Variants in IPCEF1 observed in about 807,000 individuals in gnomAD.
IPCEF1 encodes interactor protein for cytohesin exchange factors 1.
IPCEF1 carries 31 observed loss-of-function variants against 50.9 expected under a neutral mutation model. The observed-to-expected ratio is 0.61, with a 90% CI of 0.46 to 0.82. IPCEF1 has a LOEUF of 0.82. Ranked by LOEUF, IPCEF1 falls within the 40% of genes least tolerant of loss-of-function variation. The pLI is 0.00. For synonymous variants in IPCEF1, 181 were observed against 192.0 expected, an observed-to-expected ratio of 0.94 and a Z score of 0.47; for missense variants, 458 against 514.0, an observed-to-expected ratio of 0.89 and a Z score of 1.05.
At chr6:154,203,787 G>T (rs1777263872) in intron 9 of IPCEF1, among the ~76,000 whole-genome samples, 1 of 152,062 alleles carries the variant, frequency 6.6e-6, no homozygotes, top group African/African-American at 2.4e-5. Flanking sequence ...CACATAATTG[G>T]TGACAAATTA....
intron 2 of IPCEF1, among the ~76,000 whole-genome samples, chr6:154,275,096 A>G (rs1309060525): frequency 6.6e-6 from 1 of 152,178 alleles, no homozygotes; most frequent in Non-Finnish European, 1.5e-5. Flanking sequence ...AGTTTTACCA[A>G]TGCAGATAAA....
chr6:154,210,986 A>C (rs1777912687), intron 9 of IPCEF1, among the ~76,000 whole-genome samples: 1 of 152,246 alleles, frequency 6.6e-6, no homozygotes, highest in African/African-American at 2.4e-5. Context: ...AACTTGCAAA[A>C]CACAATAAAG....
intron 1 of IPCEF1, among the ~76,000 whole-genome samples, chr6:154,304,109 G>A (rs968300753): frequency 1.9e-4 from 28 of 151,238 alleles, no homozygotes; most frequent in African/African-American, 6.8e-4. Flanking sequence ...GGTAGTCCCA[G>A]CTACTTGGAA....
intron 1 of IPCEF1, among the ~76,000 whole-genome samples, chr6:154,334,098 G>A (rs530865453): frequency 2.6e-5 from 4 of 152,158 alleles, no homozygotes; most frequent in Non-Finnish European, 5.9e-5. Context: ...GCATTTATCA[G>A]CCCACAGTTA....
At chr6:154,222,899 G>T in intron 6 of IPCEF1, 2 of 473,856 alleles carry the variant, frequency 4.2e-6, no homozygotes, top group South Asian at 2.6e-5. Flanking sequence ...CCTGGAGGGG[G>T]TTTATTCCAT....
chr6:154,201,312 T>A (rs879480398), intron 9 of IPCEF1, among the ~76,000 whole-genome samples: 1 of 152,252 alleles, frequency 6.6e-6, no homozygotes, highest in Non-Finnish European at 1.5e-5. Flanking sequence ...GATGTTGAAA[T>A]ACATGCCTTC....
chr6:154,257,697 T>G lies in IPCEF1; in HGVS notation c.36+8215A>C, dbSNP rs183678883. Among the ~76,000 whole-genome samples, 765 of 152,196 alleles carry G rather than the reference T, an allele frequency of 5.0e-3. 4 individuals carry two copies. The highest frequency in any genetic ancestry group is 0.018 in the African/African-American group (729 of 41,526). ...GTTTTGTTTTGGTTTTGGGTTTTGT[T>G]TGTTTGTTTGTTTGTTTTTTGAGAC... is the stretch of plus-strand genomic sequence containing the variant. On this transcript the variant is annotated intron_variant, in intron 3 of 11. Transcript: ENST00000367220.
intron 2 of IPCEF1, among the ~76,000 whole-genome samples, chr6:154,273,724 CTTT>C (rs71021036): frequency 4.7e-5 from 3 of 63,322 alleles, no homozygotes; most frequent in Admixed American, 2.3e-4. Context: ...TTCTTTCTTT[CTTT>C]TTTTTTTTTT....
intron 3 of IPCEF1, among the ~76,000 whole-genome samples, chr6:154,248,138 C>T (rs547328439): frequency 2.0e-5 from 3 of 152,240 alleles, no homozygotes; most frequent in East Asian, 1.9e-4. Flanking sequence ...ATATTTCTCA[C>T]GTTTTATGGA....
chr6:154,228,434 T>A (rs1779443696), intron 5 of IPCEF1, among the ~76,000 whole-genome samples: 1 of 152,244 alleles, frequency 6.6e-6, no homozygotes, highest in Admixed American at 6.5e-5. Flanking sequence ...TTGTACAAAC[T>A]TCTCTTTCCA....
intron 10 of IPCEF1, among the ~76,000 whole-genome samples, chr6:154,197,605 C>T (rs1776717339): frequency 6.6e-6 from 1 of 152,206 alleles, no homozygotes; most frequent in Admixed American, 6.5e-5. Flanking sequence ...TACCAGGTTG[C>T]TTCATTCTTA....
chr6:154,181,736 C>A (rs571179932), intron 10 of IPCEF1, among the ~76,000 whole-genome samples: 1 of 152,066 alleles, frequency 6.6e-6, no homozygotes, highest in African/African-American at 2.4e-5. Context: ...CCGCAGGGCA[C>A]GAGACCTGAG....
At chr6:154,196,136 A>G (rs1323727865) in intron 10 of IPCEF1, among the ~76,000 whole-genome samples, 1 of 152,164 alleles carries the variant, frequency 6.6e-6, no homozygotes, top group Non-Finnish European at 1.5e-5. Flanking sequence ...ACATCAGCAC[A>G]TGTATGTTAG....
Position 154,199,777 on chromosome 6 carries a change from T to G in IPCEF1, c.801A>C (p.Glu267Asp), listed in dbSNP as rs2128591262. The change falls in exon 10 of 12, where the codon GAA becomes GAC. Residue 267 changes from glutamate (E) to aspartate (D), a missense_variant. Transcript: ENST00000367220. ...KALENSFVTSESGFLNSLSSD... is the reference protein window; with the variant it reads ...KALENSFVTSDSGFLNSLSSD... ...TAGATAAAGAGTTCAAAAATCCACT[T>G]TCTGATGTGACAAAACTGTTTTCCA... 6.2e-7 allele frequency: 1 copy of G among 1,614,248 alleles called. No homozygotes were observed. Among genetic ancestry groups the G allele is most frequent in the East Asian group, 2.2e-5 (1 of 44,892 alleles).
At chr6:154,186,835 C>T (rs866740969) in intron 10 of IPCEF1, among the ~76,000 whole-genome samples, 6 of 152,250 alleles carry the variant, frequency 3.9e-5, no homozygotes, top group South Asian at 2.1e-4. Flanking sequence ...GGATTACAGA[C>T]GTGAGCCACC....
intron 1 of IPCEF1, among the ~76,000 whole-genome samples, chr6:154,313,083 A>AAAAAAC (rs1234787464): frequency 6.7e-6 from 1 of 149,930 alleles, no homozygotes; most frequent in Non-Finnish European, 1.5e-5. Context: ...AAAAAAAAAA[A>AAAAAAC]AAACATGGCC....
intron 3 of IPCEF1, among the ~76,000 whole-genome samples, chr6:154,257,870 T>A (rs1781501084): frequency 6.6e-6 from 1 of 152,164 alleles, no homozygotes; most frequent in Non-Finnish European, 1.5e-5. Context: ...ATCTGGCTAA[T>A]TTTTTATTTT....
chr6:154,273,331 A>G (rs1781944950), intron 2 of IPCEF1, among the ~76,000 whole-genome samples: 1 of 152,222 alleles, frequency 6.6e-6, no homozygotes, highest in South Asian at 2.1e-4. Context: ...AGAAGTCTTG[A>G]TCGTCGACAA....
At chr6:154,256,422 A>C (rs1442834333) in intron 3 of IPCEF1, among the ~76,000 whole-genome samples, 1 of 152,190 alleles carries the variant, frequency 6.6e-6, no homozygotes, top group Non-Finnish European at 1.5e-5. Flanking sequence ...ACAAATATCC[A>C]GGCTATGATA....
Sources: allele counts gnomAD v4.1 joint callset (sites outside exome capture counted in the v4.1 genomes callset), GRCh38; gene constraint gnomAD v4.1.1; transcripts MANE v1.5; gene names NCBI Gene and HGNC (gene_info 2026-07-23, HGNC 2026-07-21).